The following CPPED1 variants were observed in gnomAD, a reference collection of about 807,000 sequenced individuals.
CPPED1 encodes the protein calcineurin like phosphoesterase domain containing 1.
Under a neutral mutation model 28.0 loss-of-function variants are expected in CPPED1, and 28 were observed. The ratio of observed to expected loss-of-function variants is 1.00; its 90% CI spans 0.74 to 1.37. CPPED1 has a LOEUF of 1.37. Among genes scored for constraint, CPPED1 ranks in the 40% most tolerant of loss-of-function variants. CPPED1 has a pLI of 0.00. For missense variants in CPPED1, 504 were observed against 416.5 expected, an observed-to-expected ratio of 1.21 and a Z score of -1.83; for synonymous variants, 198 against 180.2, an observed-to-expected ratio of 1.10 and a Z score of -0.79.
At position 12,664,890 on chromosome 16, in the gene CPPED1, T is replaced by G. The variant is rs1421763467; in HGVS notation, c.941A>C (p.Lys314Thr). 1 of 1,606,610 alleles carries G rather than the reference T, an allele frequency of 6.2e-7. No individual in the cohort carries two copies. Among genetic ancestry groups the G allele is most frequent in the Non-Finnish European group, 8.5e-7 (1 of 1,177,554 alleles). Residue 314 changes from lysine to threonine, a missense_variant, in exon 4 of 4, where the codon AAA becomes ACA. Coordinates refer to ENST00000381774, the MANE Select transcript of CPPED1 (RefSeq NM_018340.3). This position sits in a 1 kb window ranked among gnomAD's most constrained non-coding sequence, Gnocchi z 4.2. ...GAACGGGAACGGGAAGGAGCGTCATTTTTTCTTGATCAAATCCATGAGATC... is the reference window on the plus strand; with the variant it reads ...GAACGGGAACGGGAAGGAGCGTCATGTTTTCTTGATCAAATCCATGAGATC... The part of the protein sequence containing the change: ...EDDLMDLIKK[K>T]
intron 2 of CPPED1, among the ~76,000 whole-genome samples, chr16:12,769,477 G>C (rs991247157): frequency 2.0e-5 from 3 of 152,230 alleles, no homozygotes; most frequent in Non-Finnish European, 4.4e-5. Context: ...CTGCCGGACT[G>C]CCACGTAGAA....
chr16:12,704,781 G>T lies in CPPED1; in HGVS notation c.558C>A (p.Asp186Glu), dbSNP rs781611893. 19 of 1,614,070 alleles carry T rather than the reference G, an allele frequency of 1.2e-5. No homozygotes were observed. Among genetic ancestry groups the T allele is most frequent in the Admixed American group, 6.7e-5 (4 of 59,994 alleles). The change falls in exon 3 of 4, where the codon GAC becomes GAA. Residue 186 changes from aspartate to glutamate, a missense_variant. Coordinates refer to ENST00000381774, the MANE Select transcript of CPPED1 (RefSeq NM_018340.3). ...GCTGCCTCGCGATGCTCAGCTGCTCGTCCAGCCACTGGTCCTGAGCCTGCT... is the reference window on the plus strand; with the variant it reads ...GCTGCCTCGCGATGCTCAGCTGCTCTTCCAGCCACTGGTCCTGAGCCTGCT... ...SLKQAQDQWLDEQLSIARQRH... is the reference protein window; with the variant it reads ...SLKQAQDQWLEEQLSIARQRH...
chr16:12,711,133 C>G (rs1340741697), intron 2 of CPPED1, among the ~76,000 whole-genome samples: 1 of 152,152 alleles, frequency 6.6e-6, no homozygotes, highest in African/African-American at 2.4e-5. Flanking sequence ...TATATCCATA[C>G]AACGAAATAT....
At chr16:12,776,621 A>G (rs1452144686) in intron 2 of CPPED1, among the ~76,000 whole-genome samples, 1 of 152,154 alleles carries the variant, frequency 6.6e-6, no homozygotes, top group African/African-American at 2.4e-5. Context: ...GTCTGCTGCC[A>G]TATAAGATGT....
intron 1 of CPPED1, among the ~76,000 whole-genome samples, chr16:12,787,405 CTTTTT>C (rs57802112): frequency 1.4e-5 from 2 of 140,866 alleles, no homozygotes; most frequent in Non-Finnish European, 1.5e-5. Context: ...ATTTTTCTTT[CTTTTT>C]TTTTTTTTTT....
chr16:12,790,043 G>A (rs1029652310), intron 1 of CPPED1, among the ~76,000 whole-genome samples: 5 of 152,146 alleles, frequency 3.3e-5, no homozygotes, highest in African/African-American at 1.2e-4. Flanking sequence ...TCAAGCTAAG[G>A]ACAGAAAGGC....
intron 2 of CPPED1, among the ~76,000 whole-genome samples, chr16:12,771,280 C>A (rs890114738): frequency 6.6e-6 from 1 of 152,206 alleles, no homozygotes; most frequent in Non-Finnish European, 1.5e-5. Flanking sequence ...ACTCTCAATA[C>A]AGATTTGTTA....
At chr16:12,689,591 C>T (rs899311781) in intron 3 of CPPED1, among the ~76,000 whole-genome samples, 2 of 151,834 alleles carry the variant, frequency 1.3e-5, no homozygotes, top group Non-Finnish European at 2.9e-5. Flanking sequence ...AGCCCACACC[C>T]CCAATCCCCC....
rs998267623 is a variant in CPPED1, at chr16:12,670,125, C to T, written c.716-5010G>A. On this transcript the variant is annotated intron_variant, in intron 3 of 3. Transcript: ENST00000381774. This position sits in a 1 kb window ranked among gnomAD's most constrained non-coding sequence, Gnocchi z 4.2. ...CAGCCTGGGCAACACAGTGAGATCC[C>T]GTCTCTACAAAACATTACAAAATTA... 2.0e-5 allele frequency among the ~76,000 whole-genome samples: 3 copies of T among 152,080 alleles called. No individual in the cohort carries two copies. The highest frequency in any genetic ancestry group is 3.2e-3 in the Middle Eastern group (1 of 316).
At chr16:12,775,266 C>G (rs1446390151) in intron 2 of CPPED1, among the ~76,000 whole-genome samples, 1 of 152,160 alleles carries the variant, frequency 6.6e-6, no homozygotes, top group African/African-American at 2.4e-5. Flanking sequence ...CCTTGGACTT[C>G]TCAGCCTCCA....
At chr16:12,679,919 C>T (rs1321152452) in intron 3 of CPPED1, among the ~76,000 whole-genome samples, 6 of 152,058 alleles carry the variant, frequency 3.9e-5, no homozygotes, top group Admixed American at 1.3e-4. Context: ...ATCAAATAAC[C>T]GAGAAAGATT....
intron 2 of CPPED1, among the ~76,000 whole-genome samples, chr16:12,719,021 G>A (rs2080123293): frequency 6.6e-6 from 1 of 152,132 alleles, no homozygotes; most frequent in Non-Finnish European, 1.5e-5. Flanking sequence ...AATCATGGCA[G>A]AAGGTGAAAG....
In CPPED1 at chr16:12,682,354, A is replaced by G. The variant is rs866155523; in HGVS notation, c.716-17239T>C. ...CCCAGCCCCTTTATTACTTTTCTAC[A>G]TGGGGGGCTATGCTCAACTTTTTAT... On this transcript the variant is annotated intron_variant, in intron 3 of 3. Coordinates refer to ENST00000381774, the MANE Select transcript of CPPED1 (RefSeq NM_018340.3). The surrounding 1 kb of genome is among the most constrained non-coding windows in gnomAD (Gnocchi z 6.1). 6.6e-6 allele frequency among the ~76,000 whole-genome samples: 1 copy of G among 152,050 alleles called. No individual in the cohort carries two copies. The highest frequency in any genetic ancestry group is 6.6e-5 in the Admixed American group (1 of 15,264).
chr16:12,714,963 T>A (rs909743992), intron 2 of CPPED1, among the ~76,000 whole-genome samples: 2 of 152,190 alleles, frequency 1.3e-5, no homozygotes, highest in East Asian at 3.9e-4. Flanking sequence ...GAGTTCATTT[T>A]TTTTTTTAAT....
chr16:12,769,571 T>C (rs1367641044), intron 2 of CPPED1, among the ~76,000 whole-genome samples: 2 of 152,134 alleles, frequency 1.3e-5, no homozygotes, highest in African/African-American at 2.4e-5. Context: ...TAATTAGTCA[T>C]ATAAGGTAAA....
At chr16:12,717,804 G>A (rs949529837) in intron 2 of CPPED1, among the ~76,000 whole-genome samples, 4 of 151,992 alleles carry the variant, frequency 2.6e-5, no homozygotes, top group African/African-American at 9.7e-5. Flanking sequence ...ACCATGCCCA[G>A]CTAATTTTTG....
At chr16:12,769,540 T>A (rs1246940063) in intron 2 of CPPED1, among the ~76,000 whole-genome samples, 1 of 152,192 alleles carries the variant, frequency 6.6e-6, no homozygotes, top group East Asian at 1.9e-4. Flanking sequence ...AACAACTTTT[T>A]AAGTAATATT....
intron 2 of CPPED1, among the ~76,000 whole-genome samples, chr16:12,731,968 G>A (rs1187351106): frequency 6.6e-6 from 1 of 151,914 alleles, no homozygotes; most frequent in African/African-American, 2.4e-5. Context: ...TTGGAGACCA[G>A]CCTGGCCAAA....
chr16:12,749,675 C>T (rs565030763), intron 2 of CPPED1, among the ~76,000 whole-genome samples: 25 of 152,242 alleles, frequency 1.6e-4, no homozygotes, highest in African/African-American at 5.1e-4. Flanking sequence ...CTGCAACCTC[C>T]GCCTCCCAGG....
Sources: allele counts gnomAD v4.1 joint callset (sites outside exome capture counted in the v4.1 genomes callset), GRCh38; gene constraint gnomAD v4.1.1; non-coding constraint Gnocchi (gnomAD v3.1); transcripts MANE v1.5; gene names NCBI Gene and HGNC (gene_info 2026-07-23, HGNC 2026-07-21).